The following KLRG1 variants were observed in gnomAD, a reference collection of about 807,000 sequenced individuals.
The protein encoded by KLRG1 is killer cell lectin-like receptor subfamily G member 1.
In KLRG1, 16 loss-of-function variants were observed where a neutral mutation model predicts 21.8. The ratio of observed to expected loss-of-function variants is 0.73; its 90% confidence interval spans 0.50 to 1.11. The LOEUF (loss-of-function observed/expected upper bound fraction) is 1.11. Among genes scored for constraint, KLRG1 ranks in the 50% most tolerant of loss-of-function variants. KLRG1 has a pLI of 0.00. For synonymous variants in KLRG1, 69 were observed against 75.9 expected, an observed-to-expected ratio of 0.91 and a Z score of 0.47; for missense variants, 173 against 218.3, an observed-to-expected ratio of 0.79 and a Z score of 1.31.
the KLRG1 span, chr12:9,109,235 C>T: frequency 1.8e-6 from 2 of 1,082,938 alleles, no homozygotes; most frequent in African/African-American, 1.6e-5. Flanking sequence ...GTTGCCACTG[C>T]TCCCGGAGAG....
At chr12:9,194,114 T>G in the KLRG1 span, 1 of 1,613,984 alleles carries the variant, frequency 6.2e-7, no homozygotes, top group Non-Finnish European at 8.5e-7. Context: ...ACTGGTAGTA[T>G]TGATTGAAAA....
At chr12:9,006,622 G>A (rs1055377274) in intron 3 of KLRG1, among the ~76,000 whole-genome samples, 2 of 152,172 alleles carry the variant, frequency 1.3e-5, no homozygotes, top group Non-Finnish European at 2.9e-5. Flanking sequence ...GTTTAGCACT[G>A]GGAGAGAAAA....
the KLRG1 span, among the ~76,000 whole-genome samples, chr12:9,186,972 C>T: frequency 8.7e-5 from 13 of 150,184 alleles, no homozygotes; most frequent in African/African-American, 2.9e-4. Context: ...CACGTTCTGC[C>T]CATGTATCCC....
the KLRG1 span, among the ~76,000 whole-genome samples, chr12:9,133,075 A>G: frequency 6.6e-6 from 1 of 152,214 alleles, no homozygotes; most frequent in Middle Eastern, 3.4e-3. Flanking sequence ...CATTTTAGAG[A>G]TAAGTAAAGG....
the KLRG1 span, among the ~76,000 whole-genome samples, chr12:9,213,809 A>G: frequency 6.6e-6 from 1 of 152,034 alleles, no homozygotes; most frequent in Non-Finnish European, 1.5e-5. Context: ...TAGCGTCCTG[A>G]GACACATAGA....
the KLRG1 span, chr12:9,029,034 C>T: frequency 8.8e-6 from 5 of 566,364 alleles, no homozygotes; most frequent in Non-Finnish European, 1.7e-5. Flanking sequence ...GCTCAACCAT[C>T]CAATGAAGAG....
chr12:8,985,007 T>C (rs949432549), upstream of KLRG1, among the ~76,000 whole-genome samples: 1 of 152,236 alleles, frequency 6.6e-6, no homozygotes, highest in Admixed American at 6.5e-5. Context: ...TAAAAAATCA[T>C]GGCACATTTC....
the KLRG1 span, chr12:9,079,221 T>G: frequency 6.2e-7 from 1 of 1,601,730 alleles, no homozygotes; most frequent in Non-Finnish European, 8.5e-7. Context: ...AAAAAGAAGC[T>G]CAAAAAATTG....
chr12:8,952,073 A>AT lies in KLRG1; in HGVS notation c.-156+1846dup, dbSNP rs1320158116. ...TGGGGCAAAAATTGAAATGAGCAGA[A>AT]TTTTTTTTTGTTTGTTTGTTTGCAT... On this transcript the variant is annotated intron_variant, in intron 1 of 4. Coordinates refer to the KLRG1 transcript ENST00000539240. Among the ~76,000 whole-genome samples the AT allele has an allele frequency of 1.3e-4, 20 of 151,860 alleles. No individual in the cohort carries two copies. The East Asian group carries it at 3.1e-3, about 23-fold the overall frequency.
At chr12:9,127,803 G>A in the KLRG1 span, 4 of 212,282 alleles carry the variant, frequency 1.9e-5, no homozygotes, top group Non-Finnish European at 3.9e-5. Flanking sequence ...ACCTGGACAA[G>A]GTGCGGGCTC....
the KLRG1 span, chr12:9,202,293 C>G: frequency 3.5e-5 from 56 of 1,599,782 alleles, no homozygotes; most frequent in East Asian, 5.6e-4. Context: ...TACCCACAAC[C>G]CAAACCACAG....
chr12:9,098,480 G>T, the KLRG1 span: 1 of 1,024,308 alleles, frequency 9.8e-7, no homozygotes, highest in Non-Finnish European at 1.3e-6. Flanking sequence ...CCACAAGAGA[G>T]CTCAAAGCAA....
downstream of KLRG1, among the ~76,000 whole-genome samples, chr12:9,012,265 G>A (rs1223342927): frequency 6.6e-6 from 1 of 152,174 alleles, no homozygotes. Context: ...ACTTTGTCCT[G>A]CAATTTGGAT....
chr12:9,067,188 C>T, the KLRG1 span: 1 of 155,018 alleles, frequency 6.5e-6, no homozygotes, highest in Non-Finnish European at 1.4e-5. Flanking sequence ...CACATTCCTT[C>T]TTCTGAGAAA....
the KLRG1 span, among the ~76,000 whole-genome samples, chr12:9,084,497 C>T: frequency 6.6e-6 from 1 of 152,074 alleles, no homozygotes; most frequent in Non-Finnish European, 1.5e-5. Context: ...TTGAAATTGA[C>T]TGTAAACCCC....
the KLRG1 span, chr12:9,109,769 C>T: frequency 8.2e-7 from 1 of 1,212,850 alleles, no homozygotes; most frequent in Non-Finnish European, 1.1e-6. Flanking sequence ...CAATGTCACC[C>T]ATGGGAAATG....
chr12:9,206,001 G>A, the KLRG1 span, among the ~76,000 whole-genome samples: 1 of 152,130 alleles, frequency 6.6e-6, no homozygotes, highest in Non-Finnish European at 1.5e-5. Context: ...AATCATCCAA[G>A]TTTCAGATGA....
chr12:9,158,366 TG>T, the KLRG1 span: 1 of 1,599,604 alleles, frequency 6.3e-7, no homozygotes, highest in Non-Finnish European at 8.6e-7. Context: ...CCTTCACCCC[TG>T]GGGGATGTTA....
At chr12:8,972,957 A>G (rs1343741413) in intron 1 of KLRG1, among the ~76,000 whole-genome samples, 1 of 152,082 alleles carries the variant, frequency 6.6e-6, no homozygotes, top group African/African-American at 2.4e-5. Context: ...CCTGGGCAAC[A>G]TGGTGAAATC....
Sources: gnomAD v4.1 joint callset for allele counts (sites outside exome capture counted in the v4.1 genomes callset) on GRCh38, gnomAD v4.1.1 for gene constraint, MANE v1.5 for transcripts, NCBI Gene and HGNC (gene_info 2026-07-23, HGNC 2026-07-21) for gene names.